Variants in DAPK2 observed in about 807,000 individuals in gnomAD.
DAPK2 encodes the protein death associated protein kinase 2.
Under a neutral mutation model 44.1 loss-of-function variants are expected in DAPK2, and 35 were observed. The ratio of observed to expected loss-of-function variants is 0.79; its 90% confidence interval spans 0.61 to 1.05. The LOEUF is 1.05. Ranked by LOEUF, DAPK2 falls within the 50% of genes least tolerant of loss-of-function variation. The pLI, the probability that DAPK2 is intolerant of heterozygous loss-of-function variation, is 0.00. For synonymous variants in DAPK2, 174 were observed against 182.6 expected, an observed-to-expected ratio of 0.95 and a Z score of 0.38; for missense variants, 453 against 483.2, an observed-to-expected ratio of 0.94 and a Z score of 0.59.
At chr15:64,026,850 G>A (rs1441586283) in intron 1 of DAPK2, among the ~76,000 whole-genome samples, 1 of 152,218 alleles carries the variant, frequency 6.6e-6, no homozygotes, top group East Asian at 1.9e-4. Flanking sequence ...CCTGGGTCGG[G>A]TAGAGTCTCT....
intron 3 of DAPK2, among the ~76,000 whole-genome samples, chr15:63,949,600 T>G (rs1242590025): frequency 6.6e-6 from 1 of 152,200 alleles, no homozygotes; most frequent in African/African-American, 2.4e-5. Context: ...GCTAATTGCC[T>G]ATCGGAATTC....
At chr15:64,021,090 G>T (rs913826791) in intron 1 of DAPK2, among the ~76,000 whole-genome samples, 1 of 152,158 alleles carries the variant, frequency 6.6e-6, no homozygotes, top group Non-Finnish European at 1.5e-5. Flanking sequence ...GAACATCTAT[G>T]GCAACAGAAT....
chr15:63,977,606 A>G (rs144862745), intron 2 of DAPK2, among the ~76,000 whole-genome samples: 18 of 152,278 alleles, frequency 1.2e-4, no homozygotes, highest in Non-Finnish European at 2.2e-4. Context: ...CCTTGACATA[A>G]ACACCGTACA....
chr15:63,942,095 G>T (rs1414127240), intron 3 of DAPK2: 2 of 484,094 alleles, frequency 4.1e-6, no homozygotes, highest in African/African-American at 2.1e-5. Flanking sequence ...CTGAATGGGG[G>T]TGGGAGCCAG....
intron 1 of DAPK2, among the ~76,000 whole-genome samples, chr15:64,031,063 A>G (rs1393661136): frequency 6.6e-6 from 1 of 151,934 alleles, no homozygotes; most frequent in Non-Finnish European, 1.5e-5. Flanking sequence ...GTAATCTGAC[A>G]GAGCTAGGAT....
exon 11 of DAPK2, chr15:63,907,311 G>A (rs2078686224): frequency 6.6e-6 from 1 of 152,060 alleles, no homozygotes; most frequent in South Asian, 2.1e-4. Context: ...GATATTCTGT[G>A]GTACCAAGGG....
At chr15:63,924,274 C>A (rs868325880) in intron 8 of DAPK2, among the ~76,000 whole-genome samples, 5 of 152,162 alleles carry the variant, frequency 3.3e-5, no homozygotes, top group South Asian at 2.1e-4. Flanking sequence ...CCTGACTCTC[C>A]CCAGAGGGAA....
At position 63,990,392 on chromosome 15, in the gene DAPK2, C is replaced by T. The variant is rs559195283; in HGVS notation, c.93-6638G>A. Among the ~76,000 whole-genome samples the T allele has an allele frequency of 1.3e-5, 2 of 150,642 alleles. No homozygotes were observed. The highest frequency in any genetic ancestry group is 2.9e-5 in the Non-Finnish European group (2 of 67,878). ...GCAGTGAGCTGAGATCGCACCGCTG[C>T]ACTCCAGCCTGGGTGACAGAGCAAG... On this transcript the variant is annotated intron_variant, in intron 1 of 10. Coordinates refer to ENST00000261891, the Ensembl canonical transcript of DAPK2. This position sits in a 1 kb window ranked among gnomAD's most constrained non-coding sequence, Gnocchi z 4.3.
intron 2 of DAPK2, 112 bp downstream of exon 3, chr15:63,983,421 G>T: frequency 1.1e-6 from 1 of 929,574 alleles, no homozygotes; most frequent in Non-Finnish European, 1.7e-6. Flanking sequence ...CCTCCTCTGG[G>T]CTGAGCTTAG....
chr15:64,004,100 C>G (rs2079166606), intron 1 of DAPK2, among the ~76,000 whole-genome samples: 1 of 152,116 alleles, frequency 6.6e-6, no homozygotes, highest in Non-Finnish European at 1.5e-5. Context: ...CTCTCTCTCT[C>G]CCTTCCCAGA....
chr15:64,002,122 C>T (rs1462390783), intron 1 of DAPK2, among the ~76,000 whole-genome samples: 1 of 152,220 alleles, frequency 6.6e-6, no homozygotes, highest in African/African-American at 2.4e-5. Flanking sequence ...ATTGCCAACT[C>T]CTACTGCAGA....
chr15:63,919,057 C>G (rs2146548214), intron 8 of DAPK2: 1 of 152,250 alleles, frequency 6.6e-6, no homozygotes, highest in East Asian at 1.9e-4. Flanking sequence ...GGTCCTGTGG[C>G]TGCATCCCAC....
At chr15:64,037,412 T>A (rs995491386) in intron 1 of DAPK2, among the ~76,000 whole-genome samples, 1 of 152,216 alleles carries the variant, frequency 6.6e-6, no homozygotes, top group African/African-American at 2.4e-5. Context: ...TACATCCCCA[T>A]GCCCCATCAA....
At chr15:64,043,127 T>A (rs185215564), upstream of DAPK2, among the ~76,000 whole-genome samples, 2 of 152,086 alleles carry the variant, frequency 1.3e-5, no homozygotes, top group South Asian at 2.1e-4. Context: ...ATTCCTTCCA[T>A]GGAAAATGAA....
chr15:63,996,168 T>C (rs2078945205), intron 1 of DAPK2, among the ~76,000 whole-genome samples: 2 of 152,316 alleles, frequency 1.3e-5, no homozygotes. Flanking sequence ...ATGCAGTGGC[T>C]CACACCTATA....
chr15:63,932,199 C>T (rs1403611881), intron 4 of DAPK2, among the ~76,000 whole-genome samples: 1 of 146,432 alleles, frequency 6.8e-6, no homozygotes, highest in Non-Finnish European at 1.5e-5. Context: ...GGCACAGTGG[C>T]TTACGCCTGT....
chr15:64,021,598 T>C (rs1157493291), intron 1 of DAPK2, among the ~76,000 whole-genome samples: 2 of 152,182 alleles, frequency 1.3e-5, no homozygotes, highest in Non-Finnish European at 2.9e-5. Flanking sequence ...GGATAAAATG[T>C]GGCCCCGTCT....
At chr15:63,973,238 G>C (rs553356680) in intron 2 of DAPK2, among the ~76,000 whole-genome samples, 2 of 152,338 alleles carry the variant, frequency 1.3e-5, no homozygotes, top group African/African-American at 4.8e-5. Flanking sequence ...GTGTGTGGCT[G>C]CTTTCACCTG....
In DAPK2 at chr15:63,911,694, C is replaced by T. The variant is rs1391367104; in HGVS notation, c.1032+214G>A. 5.1e-6 allele frequency: 3 copies of T among 589,830 alleles called. No homozygotes were observed. The African/African-American group carries it at 5.6e-5, about 11-fold the overall frequency. The allele number at this position is 589,830 out of a possible 1,614,324, so 36.5% of individuals were successfully genotyped here. On this transcript the variant is annotated intron_variant, in intron 10 of 10. Transcript: ENST00000261891. ...CCTCCAGGAGTTCATGCTGCTGCAT[C>T]AGTGGTCCCCTCCCGGCACCACCCA...
Sources: gnomAD v4.1 joint callset for allele counts (sites outside exome capture counted in the v4.1 genomes callset) on GRCh38, gnomAD v4.1.1 for gene constraint, Gnocchi (gnomAD v3.1) non-coding constraint, MANE v1.5 for transcripts, NCBI Gene and HGNC (gene_info 2026-07-23, HGNC 2026-07-21) for gene names.